Variants in ARID4B observed in about 807,000 individuals in gnomAD.
The protein encoded by ARID4B is AT-rich interaction domain 4B, also known as AT-rich interactive domain-containing protein 4B.
In ARID4B, 26 loss-of-function variants were observed where a neutral mutation model predicts 147.5. The ratio of observed to expected loss-of-function variants is 0.18; its 90% CI spans 0.13 to 0.24. The LOEUF (loss-of-function observed/expected upper bound fraction) is 0.24, where lower values mean the gene tolerates loss of function less well. Ranked by LOEUF, ARID4B falls within the 10% of genes least tolerant of loss-of-function variation. The probability of loss-of-function intolerance (pLI) is 1.00; values close to 1 mark genes in which losing one functional copy is unlikely to be tolerated. For missense variants in ARID4B, 1,179 were observed against 1,511.5 expected (o/e 0.78, Z 3.65); for synonymous variants, 512 against 507.9 (o/e 1.01, Z -0.11).
chr1:235,167,251 C>CA lies in ARID4B; in HGVS notation c.*1273dup. 4.7e-6 allele frequency: 1 copy of CA among 214,088 alleles called. No individual in the cohort carries two copies. Among genetic ancestry groups the CA allele is most frequent in the Non-Finnish European group, 9.5e-6 (1 of 105,814 alleles). The allele number at this position is 214,088 out of a possible 1,614,324, so 13.3% of individuals were successfully genotyped here. A position where few individuals can be genotyped will look rare whatever the true frequency, so the allele number is the denominator to read the frequency against. ...ACAAAGAAAACATGCCAGCCCCATC[C>CA]AAAAAAAGTACACAGAACTACAATT... On this transcript the variant is annotated 3_prime_UTR_variant, in exon 24 of 24. Transcript: ENST00000264183.
At position 235,196,669 on chromosome 1, in the gene ARID4B, C is replaced by T. The variant is rs572835152; in HGVS notation, c.1842-554G>A. ...GAGATCAAGACCATCAACGCTAACA[C>T]GGTGAAACCCCATCTCTACTAAAAA... On this transcript the variant is annotated intron_variant, in intron 17 of 23. Transcript: ENST00000264183. Among the ~76,000 whole-genome samples the T allele has an allele frequency of 1.6e-4, 25 of 151,824 alleles. No individual in the cohort carries two copies. In the South Asian group the frequency reaches 4.0e-3, roughly 24 times the overall value.
At chr1:235,317,260 G>C (rs533060499) in intron 2 of ARID4B, among the ~76,000 whole-genome samples, 11 of 152,298 alleles carry the variant, frequency 7.2e-5, no homozygotes, top group Admixed American at 4.6e-4. Flanking sequence ...ATTAGCAGCA[G>C]ATCAGTCAAC....
intron 19 of ARID4B, chr1:235,187,124 C>T (rs565452047): frequency 2.0e-5 from 7 of 351,840 alleles, no homozygotes; most frequent in African/African-American, 1.6e-4. Flanking sequence ...TCCTGTTACC[C>T]AGGCTGGAGC....
At chr1:235,226,567 G>A (rs1667844020) in intron 11 of ARID4B, among the ~76,000 whole-genome samples, 1 of 151,690 alleles carries the variant, frequency 6.6e-6, no homozygotes, top group Admixed American at 6.6e-5. Flanking sequence ...TGTCACCCAG[G>A]CTGGAGTGCA....
intron 21 of ARID4B, chr1:235,176,682 T>C (rs1172257028): frequency 2.7e-6 from 1 of 363,976 alleles, no homozygotes; most frequent in Non-Finnish European, 5.4e-6. Context: ...CAGTGGACTG[T>C]CTCAGCCTGG....
At chr1:235,227,103 GACTAA>G (rs1271033774) in intron 11 of ARID4B, among the ~76,000 whole-genome samples, 1 of 152,184 alleles carries the variant, frequency 6.6e-6, no homozygotes, top group Non-Finnish European at 1.5e-5. Context: ...GTACCATGCT[GACTAA>G]GGAAGGAGGG....
Position 235,175,413 on chromosome 1 carries a change from A to G in ARID4B, c.3449-14T>C. On this transcript the variant is annotated splice_polypyrimidine_tract_variant and intron_variant, in intron 21 of 23. Transcript: ENST00000264183. ...CACTACTATTTGCTGAAAGAGAAAG[A>G]AAAGATTTAATAAACAAAAATGTAA... 6.3e-7 allele frequency: 1 copy of G among 1,582,044 alleles called. No homozygotes were observed. The highest frequency in any genetic ancestry group is 8.7e-7 in the Non-Finnish European group (1 of 1,155,754).
intron 20 of ARID4B, among the ~76,000 whole-genome samples, chr1:235,179,865 T>G (rs946097553): frequency 6.6e-6 from 1 of 151,896 alleles, no homozygotes; most frequent in Non-Finnish European, 1.5e-5. Flanking sequence ...GGTCAAGAGA[T>G]AGAGACCATC....
intron 3 of ARID4B, among the ~76,000 whole-genome samples, chr1:235,259,038 C>G (rs924562182): frequency 2.6e-5 from 4 of 152,210 alleles, no homozygotes; most frequent in African/African-American, 4.8e-5. Context: ...AATACACTTT[C>G]TTTTTCCTTG....
At chr1:235,259,554 C>G (rs564548438) in intron 3 of ARID4B, among the ~76,000 whole-genome samples, 9 of 152,310 alleles carry the variant, frequency 5.9e-5, no homozygotes, top group African/African-American at 2.2e-4. Flanking sequence ...TGGCAAAAAA[C>G]AGTGCTTGGG....
At chr1:235,203,044 GTAA>G (rs1666058922) in intron 17 of ARID4B, among the ~76,000 whole-genome samples, 1 of 152,146 alleles carries the variant, frequency 6.6e-6, no homozygotes, top group Non-Finnish European at 1.5e-5. Flanking sequence ...ATACTAAACA[GTAA>G]TGACAAATTG....
At chr1:235,169,718 G>A (rs895037561) in intron 23 of ARID4B, among the ~76,000 whole-genome samples, 7 of 151,552 alleles carry the variant, frequency 4.6e-5, no homozygotes, top group Admixed American at 2.6e-4. Flanking sequence ...CTGGACTGCA[G>A]CAGTGCAATC....
chr1:235,191,256 TA>T (rs66990847), intron 19 of ARID4B, among the ~76,000 whole-genome samples: 42,167 of 139,688 alleles, frequency 0.3, 6,817 homozygotes, highest in South Asian at 0.53. Context: ...CTTTTTATTT[TA>T]TTTTTTTTAA....
At chr1:235,254,430 C>T (rs1669823095) in intron 5 of ARID4B, among the ~76,000 whole-genome samples, 1 of 151,518 alleles carries the variant, frequency 6.6e-6, no homozygotes, top group South Asian at 2.1e-4. Context: ...GGAAAAAATA[C>T]ATACTACTGT....
intron 10 of ARID4B, among the ~76,000 whole-genome samples, chr1:235,230,404 A>G (rs71640626): frequency 1.9e-3 from 276 of 144,888 alleles, no homozygotes; most frequent in Non-Finnish European, 2.4e-3. Flanking sequence ...GCAAGACTCC[A>G]TCTCAAAAAA....
chr1:235,210,040 C>A (rs1666610423), intron 17 of ARID4B, among the ~76,000 whole-genome samples: 1 of 151,916 alleles, frequency 6.6e-6, no homozygotes, highest in Admixed American at 6.6e-5. Context: ...CCAGCTTGGG[C>A]AACATAGTGA....
At chr1:235,243,040 C>T (rs546764795) in intron 7 of ARID4B, among the ~76,000 whole-genome samples, 2 of 152,006 alleles carry the variant, frequency 1.3e-5, no homozygotes, top group East Asian at 3.9e-4. Flanking sequence ...TTCGCTATCT[C>T]CTCCCCTGAG....
At chr1:235,319,849 C>T (rs1674700144) in intron 2 of ARID4B, among the ~76,000 whole-genome samples, 1 of 151,824 alleles carries the variant, frequency 6.6e-6, no homozygotes, top group Non-Finnish European at 1.5e-5. Context: ...AAAAAAAAGG[C>T]CGGGCGAGGT....
chr1:235,226,610 C>T (rs1338014002), intron 11 of ARID4B, among the ~76,000 whole-genome samples: 1 of 151,932 alleles, frequency 6.6e-6, no homozygotes, highest in African/African-American at 2.4e-5. Context: ...CAAGCTCCGC[C>T]TCCCGGGTTG....
Sources: gnomAD v4.1 joint callset for allele counts (sites outside exome capture counted in the v4.1 genomes callset) on GRCh38, gnomAD v4.1.1 for gene constraint, MANE v1.5 for transcripts, NCBI Gene and HGNC (gene_info 2026-07-23, HGNC 2026-07-21) for gene names.